Variants in IGSF10 observed in about 807,000 individuals in gnomAD.
IGSF10 encodes the protein calvaria mechanical force protein 608.
Under a neutral mutation model 128.2 loss-of-function variants are expected in IGSF10, and 126 were observed. That is an observed-to-expected ratio of 0.98 (90% confidence interval 0.85 to 1.14). The LOEUF (loss-of-function observed/expected upper bound fraction) is 1.14, where lower values mean the gene tolerates loss of function less well. IGSF10 is among the 50% of genes most tolerant of loss of function. The probability of loss-of-function intolerance (pLI) is 0.00; values close to 1 mark genes in which losing one functional copy is unlikely to be tolerated. For synonymous variants in IGSF10, 1,185 were observed against 1,146.2 expected (o/e 1.03, Z -0.68); for missense variants, 3,295 against 3,149.8 (o/e 1.05, Z -1.10).
Position 151,436,461 on chromosome 3 carries a change from G to T in IGSF10, c.*228C>A. 2.5e-6 allele frequency: 1 copy of T among 394,262 alleles called. No homozygotes were observed. Among genetic ancestry groups the T allele is most frequent in the Non-Finnish European group, 4.5e-6 (1 of 222,192 alleles). 24.4% of individuals were successfully genotyped at this position (394,262 alleles called of 1,614,324 possible). A position where few individuals can be genotyped will look rare whatever the true frequency, so the allele number is the denominator to read the frequency against. On this transcript the variant is annotated 3_prime_UTR_variant, in exon 8 of 8. Transcript: ENST00000282466. ...AATGTTTGTTTATTGTTATTTGTTG[G>T]CAAAATAAAAGTGCCTTAAGTTAAA... is the stretch of plus-strand genomic sequence containing the variant.
chr3:151,514,819 A>C, the IGSF10 span, among the ~76,000 whole-genome samples: 1 of 152,346 alleles, frequency 6.6e-6, no homozygotes, highest in Non-Finnish European at 1.5e-5. Context: ...ATATGAACAG[A>C]CACTTCTCAA....
At chr3:151,543,643 A>G in the IGSF10 span, among the ~76,000 whole-genome samples, 1 of 152,154 alleles carries the variant, frequency 6.6e-6, no homozygotes, top group African/African-American at 2.4e-5. Flanking sequence ...GCCCCTGTGC[A>G]CAGTGTCAGC....
At chr3:151,550,991 T>A in the IGSF10 span, among the ~76,000 whole-genome samples, 1 of 152,172 alleles carries the variant, frequency 6.6e-6, no homozygotes, top group Admixed American at 6.6e-5. Flanking sequence ...GTAATGGACT[T>A]ACCTGGGCCA....
chr3:151,582,954 A>G, the IGSF10 span, among the ~76,000 whole-genome samples: 2 of 152,168 alleles, frequency 1.3e-5, no homozygotes, highest in African/African-American at 2.4e-5. Flanking sequence ...TTATTCCAGA[A>G]AATATCTTTT....
chr3:151,443,403 C>T lies in IGSF10; in HGVS notation c.5544G>A (p.Arg1848=). The T allele has an allele frequency of 1.2e-6, 2 of 1,614,220 alleles. No individual in the cohort carries two copies. The highest frequency in any genetic ancestry group is 1.7e-6 in the Non-Finnish European group (2 of 1,180,052). Residue 1848 remains arginine, a synonymous_variant, in exon 7 of 8, where the codon AGG becomes AGA. Coordinates refer to ENST00000282466, the MANE Select transcript of IGSF10 (RefSeq NM_178822.5). ...CCCAAGTGCCTACAATGACTTGCCT[C>T]CTTTGCTCTAGAATAACAGGTGGTG... ...IAAPPVILEQ[R]RQVIVGTWGE...
the IGSF10 span, among the ~76,000 whole-genome samples, chr3:151,515,825 G>T: frequency 4.0e-5 from 6 of 151,430 alleles, no homozygotes; most frequent in Non-Finnish European, 8.8e-5. Flanking sequence ...CCAAAATCCT[G>T]GGAAGACAAT....
chr3:151,553,597 G>A, the IGSF10 span, among the ~76,000 whole-genome samples: 1 of 148,638 alleles, frequency 6.7e-6, no homozygotes. Context: ...TTCTTTCAGA[G>A]CTCTCTCTCT....
chr3:151,513,459 G>A, the IGSF10 span, among the ~76,000 whole-genome samples: 1 of 152,124 alleles, frequency 6.6e-6, no homozygotes, highest in Non-Finnish European at 1.5e-5. Flanking sequence ...AGGTATTGAT[G>A]GGATGTATTT....
the IGSF10 span, among the ~76,000 whole-genome samples, chr3:151,492,505 T>C: frequency 6.6e-6 from 1 of 152,066 alleles, no homozygotes. Context: ...GGGACTGTGG[T>C]GGGAGGATCA....
chr3:151,547,503 C>T, the IGSF10 span, among the ~76,000 whole-genome samples: 2 of 151,914 alleles, frequency 1.3e-5, no homozygotes, highest in African/African-American at 2.4e-5. Context: ...GGTCTTCTCT[C>T]AGTATAGACA....
chr3:151,551,662 T>TACACAC, the IGSF10 span, among the ~76,000 whole-genome samples: 50 of 145,490 alleles, frequency 3.4e-4, no homozygotes, highest in Admixed American at 1.2e-3. Flanking sequence ...ACATGGGCAT[T>TACACAC]ACACACACAC....
rs1721325902 is a variant in IGSF10 at position 151,448,316 on chromosome 3, A to T, written c.1665T>A (p.Asn555Lys). Residue 555 changes from asparagine to lysine, a missense_variant, in exon 6 of 8, where the codon AAT (asparagine) becomes AAA (lysine). Transcript: ENST00000282466. The stretch of plus-strand genomic sequence containing the variant: ...AGGTGAGAATATCTGCATCATCATA[A>T]TTGCTGCTTATACAGTGATATACGC... ...DTGVYHCISS[N>K]YDDADILTYR... is the part of the protein sequence containing the mutation. 6.2e-7 allele frequency: 1 copy of T among 1,614,196 alleles called. No individual in the cohort carries two copies. The highest frequency in any genetic ancestry group is 2.2e-5 in the East Asian group (1 of 44,882).
At chr3:151,432,552 G>A (rs895262234), downstream of IGSF10, among the ~76,000 whole-genome samples, 6 of 152,222 alleles carry the variant, frequency 3.9e-5, no homozygotes. Flanking sequence ...GGCAAGTGTG[G>A]ACTGTGAATA....
the IGSF10 span, among the ~76,000 whole-genome samples, chr3:151,498,009 T>C: frequency 6.6e-6 from 1 of 152,226 alleles, no homozygotes; most frequent in Non-Finnish European, 1.5e-5. Context: ...CTTGTGATTT[T>C]TGCACATTGA....
At position 151,436,733 on chromosome 3, in the gene IGSF10, G is replaced by T. The variant is rs1720280212; in HGVS notation, c.7828C>A (p.Pro2610Thr). The T allele has an allele frequency of 6.2e-7, 1 of 1,613,848 alleles. No individual in the cohort carries two copies. Among genetic ancestry groups the T allele is most frequent in the Non-Finnish European group, 8.5e-7 (1 of 1,179,950 alleles). Reference protein sequence around the residue: ...SGIYKCTAKNPLGSDYAATYI... With the variant: ...SGIYKCTAKNTLGSDYAATYI... ...GTTGCTGCATAATCACTACCAAGTG[G>T]GTTCTTTGCTGTGCATTTGTATATC... The change falls in exon 8 of 8, where the codon CCA becomes ACA. Residue 2610 changes from proline to threonine, a missense_variant. Pro to Thr is a conservative substitution (Grantham distance 38). Transcript: ENST00000282466.
chr3:151,442,872 C>G, intron 7 of IGSF10, 112 bp downstream of exon 7: 1 of 852,616 alleles, frequency 1.2e-6, no homozygotes, highest in East Asian at 2.5e-5. Flanking sequence ...TGTCCAAAGT[C>G]TATGTGTACT....
chr3:151,612,211 C>T, the IGSF10 span, among the ~76,000 whole-genome samples: 1 of 152,170 alleles, frequency 6.6e-6, no homozygotes, highest in East Asian at 1.9e-4. Flanking sequence ...CCTTCCCAAA[C>T]TTGCTGAAAT....
the IGSF10 span, among the ~76,000 whole-genome samples, chr3:151,577,639 T>C: frequency 9.2e-5 from 14 of 151,908 alleles, no homozygotes; most frequent in African/African-American, 3.4e-4. Context: ...GCATCACTCC[T>C]AAACCAACAC....
At chr3:151,530,186 A>G in the IGSF10 span, among the ~76,000 whole-genome samples, 1 of 152,096 alleles carries the variant, frequency 6.6e-6, no homozygotes, top group Non-Finnish European at 1.5e-5. Context: ...AAATGAACAA[A>G]GCCTCCAAAA....
Sources: gnomAD v4.1 joint callset for allele counts (sites outside exome capture counted in the v4.1 genomes callset) on GRCh38, gnomAD v4.1.1 for gene constraint, MANE v1.5 for transcripts, NCBI Gene and HGNC (gene_info 2026-07-23, HGNC 2026-07-21) for gene names.